Variants in ODAD2 observed in about 807,000 individuals in gnomAD.
ODAD2 encodes outer dynein arm docking complex subunit 2.
Under a neutral mutation model 106.8 loss-of-function variants are expected in ODAD2, and 89 were observed. That is an observed-to-expected ratio of 0.83 (90% CI 0.70 to 0.99). The LOEUF is 0.99. Ranked by LOEUF, ODAD2 falls within the 50% of genes least tolerant of loss-of-function variation. The pLI, the probability that ODAD2 is intolerant of heterozygous loss-of-function variation, is 0.00. For synonymous variants in ODAD2, 404 were observed against 436.2 expected, an observed-to-expected ratio of 0.93 and a Z score of 0.92; for missense variants, 1,168 against 1,238.5, an observed-to-expected ratio of 0.94 and a Z score of 0.85.
At chr10:27,997,820 C>T (rs928682408) in intron 1 of ODAD2, among the ~76,000 whole-genome samples, 1 of 152,136 alleles carries the variant, frequency 6.6e-6, no homozygotes, top group Non-Finnish European at 1.5e-5. Flanking sequence ...TGCCCATTGC[C>T]AAGCTCTTTT....
At chr10:27,970,412 GCTTA>G (rs1306114910) in intron 8 of ODAD2, among the ~76,000 whole-genome samples, 2 of 152,212 alleles carry the variant, frequency 1.3e-5, no homozygotes, top group Non-Finnish European at 2.9e-5. Context: ...TTCTCCCAGT[GCTTA>G]CTTAACCAGG....
At chr10:27,985,324 T>A in intron 3 of ODAD2, 113 bp from the exon 4 acceptor site, 1 of 929,328 alleles carries the variant, frequency 1.1e-6, no homozygotes, top group Non-Finnish European at 1.5e-6. Flanking sequence ...TTTCTTTCAT[T>A]AAGCTTTTTC....
chr10:27,848,414 A>C (rs547984228), intron 19 of ODAD2, among the ~76,000 whole-genome samples: 1 of 152,300 alleles, frequency 6.6e-6, no homozygotes, highest in Non-Finnish European at 1.5e-5. Flanking sequence ...CTTATACAAA[A>C]ATTGATTCAA....
intron 16 of ODAD2, among the ~76,000 whole-genome samples, chr10:27,924,852 T>C (rs74643427): frequency 0.031 from 4,700 of 151,468 alleles, 253 homozygotes; most frequent in African/African-American, 0.11. Flanking sequence ...CCACTTTACA[T>C]AGAAGAACTA....
chr10:27,843,052 T>C (rs2133128948), intron 19 of ODAD2, among the ~76,000 whole-genome samples: 1 of 152,354 alleles, frequency 6.6e-6, no homozygotes, highest in Non-Finnish European at 1.5e-5. Context: ...TGCTGTATGA[T>C]TTGTAAAGAA....
intron 19 of ODAD2, among the ~76,000 whole-genome samples, chr10:27,843,750 G>A (rs1262097486): frequency 6.6e-6 from 1 of 151,882 alleles, no homozygotes; most frequent in Admixed American, 6.6e-5. Flanking sequence ...CTGGGTGACA[G>A]AGCAATACTC....
intron 17 of ODAD2, among the ~76,000 whole-genome samples, chr10:27,891,321 C>T (rs1000130145): frequency 1.3e-4 from 20 of 152,012 alleles, no homozygotes; most frequent in African/African-American, 4.8e-4. Context: ...TCCTGACTGG[C>T]TTCTCAGTTT....
chr10:27,982,587 G>T (rs1459192093), intron 6 of ODAD2, among the ~76,000 whole-genome samples: 1 of 152,060 alleles, frequency 6.6e-6, no homozygotes, highest in Admixed American at 6.6e-5. Context: ...AATAAGAAAA[G>T]CACCAAAAGG....
At chr10:27,932,512 A>G (rs1038622567) in intron 16 of ODAD2, among the ~76,000 whole-genome samples, 34 of 152,352 alleles carry the variant, frequency 2.2e-4, no homozygotes, top group Non-Finnish European at 4.6e-4. Flanking sequence ...ATCGAGTGAT[A>G]CAAAAATATT....
At chr10:27,839,473 G>T (rs1219731803) in intron 19 of ODAD2, among the ~76,000 whole-genome samples, 3 of 152,146 alleles carry the variant, frequency 2.0e-5, no homozygotes, top group East Asian at 1.9e-4. Flanking sequence ...AAGTTTTTGA[G>T]TGCAACATTA....
At chr10:27,858,032 T>C (rs1004599473) in intron 19 of ODAD2, among the ~76,000 whole-genome samples, 9 of 152,234 alleles carry the variant, frequency 5.9e-5, no homozygotes, top group Non-Finnish European at 1.0e-4. Flanking sequence ...TGACACATTC[T>C]CTGCAGGTAA....
rs553744596 is a variant in ODAD2 at position 27,822,022 on chromosome 10, A to G, written c.3022-9397T>C. 7.9e-5 allele frequency among the ~76,000 whole-genome samples: 12 copies of G among 152,300 alleles called. No homozygotes were observed. In the South Asian group the frequency reaches 2.5e-3, roughly 32 times the overall value. On this transcript the variant is annotated intron_variant, in intron 19 of 19. Transcript: ENST00000305242. ...TCATTCAAACAAATAACTTTTTACA[A>G]CACTGGAGTGAACAAGAACGTGGGG...
intron 14 of ODAD2, among the ~76,000 whole-genome samples, chr10:27,937,824 C>T (rs916462251): frequency 2.6e-5 from 4 of 152,158 alleles, no homozygotes; most frequent in African/African-American, 9.7e-5. Flanking sequence ...AAATTAATCC[C>T]TATTTCTAAT....
intron 16 of ODAD2, among the ~76,000 whole-genome samples, chr10:27,932,220 G>A (rs887243586): frequency 6.6e-6 from 1 of 152,100 alleles, no homozygotes; most frequent in African/African-American, 2.4e-5. Context: ...ACAGATGTAA[G>A]CCACCACGTC....
In ODAD2 at chr10:27,871,947, A is replaced by C. The variant is rs577997687; in HGVS notation, c.2611-9325T>G. ...ATTAAATCTATAAATTACCTTGGGC[A>C]GTATGGCCATTTTCACGATATTGAT... is the stretch of plus-strand genomic sequence containing the variant. On this transcript the variant is annotated intron_variant, in intron 17 of 19. Coordinates refer to ENST00000305242, the MANE Select transcript of ODAD2 (RefSeq NM_018076.5). 1.3e-3 allele frequency among the ~76,000 whole-genome samples: 201 copies of C among 152,298 alleles called. 2 individuals carry two copies. Among genetic ancestry groups the C allele is most frequent in the African/African-American group, 4.6e-3 (190 of 41,570 alleles).
chr10:27,868,481 C>G (rs1332071502), intron 17 of ODAD2, among the ~76,000 whole-genome samples: 1 of 152,072 alleles, frequency 6.6e-6, no homozygotes, highest in Non-Finnish European at 1.5e-5. Flanking sequence ...GATATATACA[C>G]CATGGAGTAT....
rs532542810 is a variant in ODAD2 at position 27,840,300 on chromosome 10, C to G, written c.3021+20325G>C. Among the ~76,000 whole-genome samples, 12 of 152,266 alleles carry G rather than the reference C, an allele frequency of 7.9e-5. No homozygotes were observed. In the East Asian group the frequency reaches 2.3e-3, roughly 29 times the overall value. On this transcript the variant is annotated intron_variant, in intron 19 of 19. Transcript: ENST00000305242. ...TTTGACTCTAAAACAGCCTAAATAA[C>G]AGTGTGACAAAAGATAGTGAATATC...
At chr10:27,991,671 T>C (rs1850248493) in intron 2 of ODAD2, among the ~76,000 whole-genome samples, 1 of 152,118 alleles carries the variant, frequency 6.6e-6, no homozygotes, top group Non-Finnish European at 1.5e-5. Flanking sequence ...ACTTAACTTG[T>C]TTTGGAACAA....
chr10:27,990,914 T>A (rs1284328920), intron 2 of ODAD2, among the ~76,000 whole-genome samples: 1 of 152,152 alleles, frequency 6.6e-6, no homozygotes, highest in Non-Finnish European at 1.5e-5. Context: ...TATGGCAATA[T>A]TATAGCACAT....
Sources: gnomAD v4.1 joint callset for allele counts (sites outside exome capture counted in the v4.1 genomes callset) on GRCh38, gnomAD v4.1.1 for gene constraint, MANE v1.5 for transcripts, NCBI Gene and HGNC (gene_info 2026-07-23, HGNC 2026-07-21) for gene names.